Variants in PAPPA observed in about 807,000 individuals in gnomAD.
The protein encoded by PAPPA is pappalysin-1.
PAPPA carries 60 observed loss-of-function variants against 164.0 expected under a neutral mutation model. That is an observed-to-expected ratio of 0.37 (90% CI 0.30 to 0.45). The LOEUF (loss-of-function observed/expected upper bound fraction) is 0.45, where lower values mean the gene tolerates loss of function less well. Among genes scored for constraint, PAPPA ranks in the 20% least tolerant of loss-of-function variants. The pLI, the probability that PAPPA is intolerant of heterozygous loss-of-function variation, is 1.00. For synonymous variants in PAPPA, 875 were observed against 814.1 expected (o/e 1.07, Z -1.27); for missense variants, 1,782 against 2,087.3 (o/e 0.85, Z 2.85).
chr9:116,321,173 G>A (rs1380869739), intron 10 of PAPPA, among the ~76,000 whole-genome samples: 3 of 151,982 alleles, frequency 2.0e-5, no homozygotes, highest in East Asian at 3.9e-4. Flanking sequence ...GACTACAGGC[G>A]CCCACCACCG....
chr9:116,206,156 G>GTCA (rs1844232649), intron 2 of PAPPA, among the ~76,000 whole-genome samples: 1 of 152,158 alleles, frequency 6.6e-6, no homozygotes, highest in Non-Finnish European at 1.5e-5. Flanking sequence ...GAGATTTCAG[G>GTCA]TCAATATCTG....
At chr9:116,180,515 GA>G (rs1436109005) in intron 1 of PAPPA, among the ~76,000 whole-genome samples, 1 of 152,112 alleles carries the variant, frequency 6.6e-6, no homozygotes, top group African/African-American at 2.4e-5. Flanking sequence ...GAGGCTTTCA[GA>G]AAGTGTTTGT....
At chr9:116,261,233 T>C (rs947042303) in intron 7 of PAPPA, among the ~76,000 whole-genome samples, 1 of 152,174 alleles carries the variant, frequency 6.6e-6, no homozygotes, top group East Asian at 1.9e-4. Flanking sequence ...TTCCAGAGGA[T>C]GAAGTTTTAA....
intron 15 of PAPPA, among the ~76,000 whole-genome samples, chr9:116,350,123 C>T (rs7851248): frequency 0.075 from 11,401 of 152,216 alleles, 1,431 homozygotes; most frequent in African/African-American, 0.26. Context: ...GGCATTAACT[C>T]CTTGGTACTT....
chr9:116,378,436 G>T (rs1304408836), intron 20 of PAPPA, among the ~76,000 whole-genome samples: 2 of 152,164 alleles, frequency 1.3e-5, no homozygotes, highest in African/African-American at 4.8e-5. Flanking sequence ...CTTCCAGGTG[G>T]ATGGCCAAAT....
At chr9:116,182,450 G>A (rs546053781) in intron 1 of PAPPA, among the ~76,000 whole-genome samples, 21 of 152,322 alleles carry the variant, frequency 1.4e-4, no homozygotes, top group Middle Eastern at 3.4e-3. Context: ...GGCAGTTTTA[G>A]GATGGGGAGG....
chr9:116,285,171 C>CTTTTTTTTT lies in PAPPA; in HGVS notation c.2953+13766_2953+13774dup. Among the ~76,000 whole-genome samples, 132 of 89,466 alleles carry CTTTTTTTTT rather than the reference C, an allele frequency of 1.5e-3. 1 individual carries two copies. The highest frequency in any genetic ancestry group is 2.9e-3 in the African/African-American group (63 of 22,062). 58.7% of individuals were successfully genotyped at this position (89,466 alleles called of 152,430 possible). On this transcript the variant is annotated intron_variant, in intron 9 of 21. Coordinates refer to ENST00000328252, the MANE Select transcript of PAPPA (RefSeq NM_002581.5). ...CTTTTTCTTTTTCTTTTCTTTCTTT[C>CTTTTTTTTT]TTTTTTTTTTTTTTTTTTTGACAGA...
intron 17 of PAPPA, among the ~76,000 whole-genome samples, chr9:116,356,342 T>C (rs967876116): frequency 1.3e-5 from 2 of 151,310 alleles, no homozygotes; most frequent in African/African-American, 2.5e-5. Flanking sequence ...GTAATGAAAA[T>C]AGAGCATGTC....
chr9:116,289,214 TATGTAG>T (rs1845392685), intron 9 of PAPPA, among the ~76,000 whole-genome samples: 1 of 3,506 alleles, frequency 2.9e-4, no homozygotes, highest in Non-Finnish European at 9.7e-4. Context: ...ATATAGCATA[TATGTAG>T]CATATATATA....
At chr9:116,349,745 A>G (rs1379500682) in intron 15 of PAPPA, among the ~76,000 whole-genome samples, 1 of 152,234 alleles carries the variant, frequency 6.6e-6, no homozygotes, top group Non-Finnish European at 1.5e-5. Flanking sequence ...TAAAAGATGA[A>G]CAAGTGAACT....
chr9:116,194,826 G>C (rs1242605432), intron 2 of PAPPA, among the ~76,000 whole-genome samples: 1 of 152,062 alleles, frequency 6.6e-6, no homozygotes, highest in Non-Finnish European at 1.5e-5. Flanking sequence ...TGTTCCTACA[G>C]GCTCATAAAA....
At chr9:116,165,011 C>A (rs989928813) in intron 1 of PAPPA, among the ~76,000 whole-genome samples, 1 of 152,106 alleles carries the variant, frequency 6.6e-6, no homozygotes, top group Non-Finnish European at 1.5e-5. Flanking sequence ...AGTCAGTGAC[C>A]AAGCTGGGTA....
In PAPPA at chr9:116,400,955, G is replaced by C. The variant is rs901732919; in HGVS notation, c.*4339G>C. On this transcript the variant is annotated 3_prime_UTR_variant, in exon 22 of 22. Coordinates refer to ENST00000328252, the MANE Select transcript of PAPPA (RefSeq NM_002581.5). Reference sequence around the variant, plus strand: ...ACTATATACCTACCTCACAGTGGGAGGGCAGGAGATTTTGAGGCCCTGAGG... The same window carrying C: ...ACTATATACCTACCTCACAGTGGGACGGCAGGAGATTTTGAGGCCCTGAGG... The C allele has an allele frequency of 6.6e-6, 1 of 152,612 alleles. No homozygotes were observed. Among genetic ancestry groups the C allele is most frequent in the Non-Finnish European group, 1.5e-5 (1 of 68,048 alleles). 9.5% of individuals were successfully genotyped at this position (152,612 alleles called of 1,614,324 possible). A position where few individuals can be genotyped will look rare whatever the true frequency, so the allele number is the denominator to read the frequency against.
At chr9:116,329,349 T>A (rs1440677366) in intron 10 of PAPPA, among the ~76,000 whole-genome samples, 1 of 152,192 alleles carries the variant, frequency 6.6e-6, no homozygotes, top group Non-Finnish European at 1.5e-5. Context: ...CAGTTTGGAT[T>A]TTTTTTAATT....
chr9:116,317,895 C>G (rs1483580711), intron 10 of PAPPA, among the ~76,000 whole-genome samples: 2 of 152,204 alleles, frequency 1.3e-5, no homozygotes, highest in Non-Finnish European at 2.9e-5. Context: ...ATCTAGAATT[C>G]ATGACATTTC....
intron 18 of PAPPA, among the ~76,000 whole-genome samples, chr9:116,364,865 T>G (rs182959747): frequency 5.5e-4 from 83 of 152,222 alleles, no homozygotes; most frequent in East Asian, 3.1e-3. Flanking sequence ...AATTAACTCC[T>G]TTCCTGTACC....
intron 1 of PAPPA, among the ~76,000 whole-genome samples, chr9:116,157,143 G>C (rs1456428987): frequency 6.6e-6 from 1 of 152,190 alleles, no homozygotes; most frequent in African/African-American, 2.4e-5. Context: ...ATTGGGTTTC[G>C]TAAAGGTCTA....
chr9:116,355,071 G>C (rs1223705258), intron 17 of PAPPA, among the ~76,000 whole-genome samples: 2 of 152,134 alleles, frequency 1.3e-5, no homozygotes, highest in African/African-American at 4.8e-5. Flanking sequence ...CCACTGCCGG[G>C]CTCCGTGCCC....
At chr9:116,280,845 C>A (rs757408193) in intron 9 of PAPPA, among the ~76,000 whole-genome samples, 2 of 152,198 alleles carry the variant, frequency 1.3e-5, no homozygotes, top group Non-Finnish European at 2.9e-5. Context: ...TTGAGTCATT[C>A]CAACAGAAAT....
Sources: gnomAD v4.1 joint callset for allele counts (sites outside exome capture counted in the v4.1 genomes callset) on GRCh38, gnomAD v4.1.1 for gene constraint, MANE v1.5 for transcripts, NCBI Gene and HGNC (gene_info 2026-07-23, HGNC 2026-07-21) for gene names.